TMEM117: variants seen among roughly 807,000 people sequenced by gnomAD.
The protein encoded by TMEM117 is transmembrane protein 117.
TMEM117 carries 27 observed loss-of-function variants against 52.4 expected under a neutral mutation model. That is an observed-to-expected ratio of 0.51 (90% CI 0.38 to 0.71). The LOEUF (loss-of-function observed/expected upper bound fraction) is 0.71. Among genes scored for constraint, TMEM117 ranks in the 30% least tolerant of loss-of-function variants. TMEM117 has a pLI of 0.00. For missense variants in TMEM117, 556 were observed against 630.5 expected (o/e 0.88, Z 1.26); for synonymous variants, 215 against 206.3 (o/e 1.04, Z -0.36).
At chr12:44,051,440 A>G (rs1440202990) in intron 3 of TMEM117, among the ~76,000 whole-genome samples, 1 of 152,234 alleles carries the variant, frequency 6.6e-6, no homozygotes, top group African/African-American at 2.4e-5. Flanking sequence ...TAAATGAATA[A>G]TAAAATATAC....
Position 44,388,530 on chromosome 12 carries a change from G to A in TMEM117, c.1403G>A (p.Cys468Tyr), listed in dbSNP as rs1952126185. The A allele has an allele frequency of 3.1e-6, 5 of 1,613,444 alleles. No homozygotes were observed. The highest frequency in any genetic ancestry group is 3.4e-6 in the Non-Finnish European group (4 of 1,179,654). ...CCCTTGAATGACCCTTCTTTGGTTTGCATCAGGTCTGACTTCAATGAGATC... is the reference window on the plus strand; with the variant it reads ...CCCTTGAATGACCCTTCTTTGGTTTACATCAGGTCTGACTTCAATGAGATC... The part of the protein sequence containing the change: ...EDPLNDPSLV[C>Y]IRSDFNEIVY... Residue 468 changes from cysteine to tyrosine, a missense_variant, in exon 8 of 8, where the codon TGC becomes TAC. Cys to Tyr is a radical substitution (Grantham distance 194). Coordinates refer to ENST00000266534, the MANE Select transcript of TMEM117 (RefSeq NM_032256.3).
intron 7 of TMEM117, among the ~76,000 whole-genome samples, chr12:44,383,391 A>G (rs936224776): frequency 6.6e-6 from 1 of 152,168 alleles, no homozygotes; most frequent in Non-Finnish European, 1.5e-5. Flanking sequence ...AAAATGATCT[A>G]TCCTCAGATT....
At chr12:44,356,739 C>T (rs1005326165) in intron 6 of TMEM117, among the ~76,000 whole-genome samples, 1 of 152,048 alleles carries the variant, frequency 6.6e-6, no homozygotes, top group South Asian at 2.1e-4. Context: ...ATGTTAACGT[C>T]GGTGCCATTA....
intron 3 of TMEM117, among the ~76,000 whole-genome samples, chr12:44,102,132 G>A (rs1218204706): frequency 6.6e-6 from 1 of 151,976 alleles, no homozygotes; most frequent in Non-Finnish European, 1.5e-5. Context: ...GAGAAGAAAA[G>A]CCTGAAGGGA....
chr12:43,958,962 A>G (rs531118291), intron 3 of TMEM117, among the ~76,000 whole-genome samples: 10 of 151,826 alleles, frequency 6.6e-5, no homozygotes, highest in South Asian at 2.1e-4. Context: ...GCCCACCACC[A>G]CGCCCGGCTA....
chr12:44,057,644 C>CA (rs111783899), intron 3 of TMEM117, among the ~76,000 whole-genome samples: 6,206 of 137,902 alleles, frequency 0.045, 203 homozygotes, highest in East Asian at 0.11. Flanking sequence ...CAATATTTCT[C>CA]AAAAAAAAAA....
chr12:44,234,317 A>C (rs1402872988), intron 5 of TMEM117, among the ~76,000 whole-genome samples: 2 of 151,138 alleles, frequency 1.3e-5, no homozygotes, highest in Non-Finnish European at 3.0e-5. Flanking sequence ...TTCTGTCTTC[A>C]GTTTGTTTTG....
intron 3 of TMEM117, among the ~76,000 whole-genome samples, chr12:43,957,305 T>TA (rs1168766671): frequency 6.6e-6 from 1 of 151,522 alleles, no homozygotes; most frequent in African/African-American, 2.4e-5. Context: ...CCCCAGAACT[T>TA]AAAAAAAGAA....
chr12:43,888,490 G>T (rs1276612674), intron 2 of TMEM117, among the ~76,000 whole-genome samples: 1 of 150,958 alleles, frequency 6.6e-6, no homozygotes, highest in African/African-American at 2.4e-5. Flanking sequence ...ATGGAGAGAA[G>T]TTAGGGGATA....
chr12:43,844,788 T>C lies in TMEM117; in HGVS notation c.137T>C (p.Val46Ala), dbSNP rs1438466009. 1.2e-6 allele frequency: 2 copies of C among 1,614,082 alleles called. No individual in the cohort carries two copies. The highest frequency in any genetic ancestry group is 1.7e-6 in the Non-Finnish European group (2 of 1,180,036). The stretch of plus-strand genomic sequence containing the variant: ...AGCCAAACAGAAGCCAATGTTATTG[T>C]TGTTGGAAACTGTTTTTCATTTGTT... The part of the protein sequence containing the change: ...SHSQTEANVI[V>A]VGNCFSFVTN... Residue 46 changes from valine to alanine, a missense_variant, in exon 2 of 8, where the codon GTT (valine) becomes GCT (alanine). This residue lies in a region of TMEM117 where 328 missense variants were observed against 371.4 expected (regional missense o/e 0.88). Transcript: ENST00000266534.
At chr12:43,842,115 G>C (rs1206462111) in intron 1 of TMEM117, among the ~76,000 whole-genome samples, 1 of 152,182 alleles carries the variant, frequency 6.6e-6, no homozygotes, top group Non-Finnish European at 1.5e-5. Context: ...GTGTGAAATC[G>C]AGTTCAAAAC....
At chr12:44,178,229 G>A (rs1333944694) in intron 4 of TMEM117, among the ~76,000 whole-genome samples, 1 of 151,952 alleles carries the variant, frequency 6.6e-6, no homozygotes, top group Non-Finnish European at 1.5e-5. Context: ...TCAATTTATT[G>A]ACCCATATTG....
At chr12:44,028,240 T>C (rs915768577) in intron 3 of TMEM117, among the ~76,000 whole-genome samples, 1 of 148,358 alleles carries the variant, frequency 6.7e-6, no homozygotes, top group Non-Finnish European at 1.5e-5. Flanking sequence ...TTTAAAGGCA[T>C]TAAAACCCTT....
At chr12:43,899,938 G>A (rs531352914) in intron 2 of TMEM117, among the ~76,000 whole-genome samples, 1 of 152,270 alleles carries the variant, frequency 6.6e-6, no homozygotes, top group East Asian at 1.9e-4. Context: ...ATTCTCATGT[G>A]TATTACTATG....
intron 4 of TMEM117, among the ~76,000 whole-genome samples, chr12:44,185,095 T>C (rs1456738581): frequency 1.3e-5 from 2 of 152,190 alleles, no homozygotes; most frequent in Non-Finnish European, 2.9e-5. Context: ...AGAAACCTGT[T>C]TACAGCTCAA....
chr12:43,974,781 A>G (rs772498522), intron 3 of TMEM117, among the ~76,000 whole-genome samples: 11 of 152,122 alleles, frequency 7.2e-5, no homozygotes, highest in Non-Finnish European at 1.6e-4. Flanking sequence ...TTATAAAGTA[A>G]TTATGTCTTC....
chr12:44,062,364 T>G (rs1349014487), intron 3 of TMEM117, among the ~76,000 whole-genome samples: 1 of 152,198 alleles, frequency 6.6e-6, no homozygotes, highest in Non-Finnish European at 1.5e-5. Flanking sequence ...ATGCACCAGT[T>G]TTCTTAAAAG....
chr12:43,841,119 C>T (rs1943109624), intron 1 of TMEM117, among the ~76,000 whole-genome samples: 2 of 152,190 alleles, frequency 1.3e-5, no homozygotes, highest in Admixed American at 1.3e-4. Context: ...TAGAAGATAT[C>T]ACTTCAACTT....
chr12:44,251,793 CA>C (rs1950199628), intron 5 of TMEM117, among the ~76,000 whole-genome samples: 1 of 152,106 alleles, frequency 6.6e-6, no homozygotes. Context: ...ACAAAAATTT[CA>C]GAGGCCACAA....
Sources: gnomAD v4.1 joint callset for allele counts (sites outside exome capture counted in the v4.1 genomes callset) on GRCh38, gnomAD v4.1.1 for gene constraint, gnomAD v4.1.1 regional missense constraint, MANE v1.5 for transcripts, NCBI Gene and HGNC (gene_info 2026-07-23, HGNC 2026-07-21) for gene names.